TMEFF1: variants seen among roughly 807,000 people sequenced by gnomAD.
TMEFF1 encodes the protein tomoregulin-1.
In TMEFF1, 20 loss-of-function variants were observed where a neutral mutation model predicts 47.5. The ratio of observed to expected loss-of-function variants is 0.42; its 90% CI spans 0.30 to 0.61. TMEFF1 has a LOEUF of 0.61. TMEFF1 is among the 20% of genes least tolerant of loss of function. The pLI, the probability that TMEFF1 is intolerant of heterozygous loss-of-function variation, is 0.19. For missense variants in TMEFF1, 411 were observed against 471.1 expected (o/e 0.87, Z 1.18); for synonymous variants, 162 against 166.3 (o/e 0.97, Z 0.20).
At chr9:100,510,533 G>A (rs1460345960) in intron 3 of TMEFF1, among the ~76,000 whole-genome samples, 1 of 152,158 alleles carries the variant, frequency 6.6e-6, no homozygotes, top group South Asian at 2.1e-4. Flanking sequence ...GCAGTGGCAC[G>A]ATCATGACTC....
At chr9:100,499,529 G>C (rs963962531) in intron 2 of TMEFF1, among the ~76,000 whole-genome samples, 1 of 152,034 alleles carries the variant, frequency 6.6e-6, no homozygotes, top group Non-Finnish European at 1.5e-5. Context: ...GATATGAGGC[G>C]AAAAAGGAAC....
intron 1 of TMEFF1, among the ~76,000 whole-genome samples, chr9:100,492,831 G>T (rs1837580551): frequency 6.6e-6 from 1 of 152,198 alleles, no homozygotes; most frequent in East Asian, 1.9e-4. Flanking sequence ...TAGGAAGAAG[G>T]AGGAAGTGAG....
At chr9:100,497,815 C>CT (rs1041229722) in intron 1 of TMEFF1, among the ~76,000 whole-genome samples, 2 of 152,062 alleles carry the variant, frequency 1.3e-5, no homozygotes, top group Admixed American at 1.3e-4. Context: ...AGTCCTTGCT[C>CT]TTTTCCCAGA....
intron 7 of TMEFF1, among the ~76,000 whole-genome samples, chr9:100,553,574 C>G (rs1838864445): frequency 6.6e-6 from 1 of 152,144 alleles, no homozygotes; most frequent in Non-Finnish European, 1.5e-5. Context: ...TGAATTAGAG[C>G]TTTTCTTGGG....
At chr9:100,564,077 G>A (rs986718023) in intron 8 of TMEFF1, among the ~76,000 whole-genome samples, 13 of 152,002 alleles carry the variant, frequency 8.6e-5, no homozygotes, top group Non-Finnish European at 1.6e-4. Context: ...CTGATTTTTC[G>A]TTTTGTTTTT....
At chr9:100,530,699 C>A (rs1471461106) in intron 5 of TMEFF1, among the ~76,000 whole-genome samples, 9 of 152,128 alleles carry the variant, frequency 5.9e-5, no homozygotes, top group Admixed American at 5.9e-4. Context: ...CTATTCCAAT[C>A]AATAGAAAAA....
At chr9:100,485,568 T>C (rs556684442) in intron 1 of TMEFF1, among the ~76,000 whole-genome samples, 1 of 152,312 alleles carries the variant, frequency 6.6e-6, no homozygotes, top group Admixed American at 6.5e-5. Context: ...TCCTATTTGT[T>C]ATCCTTCATT....
At chr9:100,533,188 T>C (rs1049138073) in intron 5 of TMEFF1, among the ~76,000 whole-genome samples, 2 of 151,854 alleles carry the variant, frequency 1.3e-5, no homozygotes, top group Non-Finnish European at 2.9e-5. Flanking sequence ...TGTATACATA[T>C]GCAACTAACC....
chr9:100,548,139 A>T (rs1221908515), intron 6 of TMEFF1, among the ~76,000 whole-genome samples: 1 of 152,088 alleles, frequency 6.6e-6, no homozygotes. Context: ...GCTGATCCTA[A>T]CATGGAATTA....
At chr9:100,486,318 C>T (rs1214328096) in intron 1 of TMEFF1, among the ~76,000 whole-genome samples, 2 of 152,204 alleles carry the variant, frequency 1.3e-5, no homozygotes, top group East Asian at 3.9e-4. Flanking sequence ...TCTCGGCTTA[C>T]TGCAACCTCT....
At chr9:100,504,744 G>T (rs976834270) in intron 2 of TMEFF1, among the ~76,000 whole-genome samples, 3 of 152,076 alleles carry the variant, frequency 2.0e-5, no homozygotes, top group African/African-American at 7.2e-5. Context: ...AACATTTTTG[G>T]CTTTATAGCC....
chr9:100,545,795 C>T (rs1838721764), intron 5 of TMEFF1, among the ~76,000 whole-genome samples: 1 of 152,196 alleles, frequency 6.6e-6, no homozygotes, highest in African/African-American at 2.4e-5. Flanking sequence ...ATTTCTTTCA[C>T]TGGGTACCCT....
chr9:100,506,303 G>T (rs1837859603), intron 2 of TMEFF1, among the ~76,000 whole-genome samples: 2 of 152,080 alleles, frequency 1.3e-5, no homozygotes, highest in South Asian at 4.1e-4. Context: ...GACAGGTAAT[G>T]TGAAAAATTT....
chr9:100,527,785 G>T (rs1363324598), intron 5 of TMEFF1, among the ~76,000 whole-genome samples: 1 of 152,160 alleles, frequency 6.6e-6, no homozygotes, highest in Non-Finnish European at 1.5e-5. Context: ...ACCTCTGGGG[G>T]CAGGGCACAG....
At chr9:100,575,165 G>A (rs1375837479) in intron 9 of TMEFF1, among the ~76,000 whole-genome samples, 3 of 152,142 alleles carry the variant, frequency 2.0e-5, no homozygotes, top group Admixed American at 2.0e-4. Context: ...CTCCCACACA[G>A]TCCATTATGA....
At chr9:100,518,990 A>G (rs1385302829) in intron 5 of TMEFF1, among the ~76,000 whole-genome samples, 1 of 152,244 alleles carries the variant, frequency 6.6e-6, no homozygotes, top group Non-Finnish European at 1.5e-5. Flanking sequence ...TTAAGATGTT[A>G]CATAATTTCC....
intron 5 of TMEFF1, among the ~76,000 whole-genome samples, chr9:100,518,089 A>T (rs1241354851): frequency 2.0e-5 from 3 of 152,014 alleles, no homozygotes; most frequent in Non-Finnish European, 4.4e-5. Flanking sequence ...ATCATTTTTC[A>T]TGCCTAAATT....
intron 1 of TMEFF1, among the ~76,000 whole-genome samples, chr9:100,483,798 T>TC (rs397961862): frequency 1.3e-5 from 2 of 152,062 alleles, no homozygotes; most frequent in African/African-American, 2.4e-5. Flanking sequence ...GTTTTTTTTT[T>TC]CCCCTGAACT....
At chr9:100,500,553 A>G (rs562191264) in intron 2 of TMEFF1, among the ~76,000 whole-genome samples, 13 of 152,228 alleles carry the variant, frequency 8.5e-5, no homozygotes, top group African/African-American at 3.1e-4. Flanking sequence ...TTTTAATTGT[A>G]GATTTTTTAT....
Sources: allele counts gnomAD v4.1 joint callset (sites outside exome capture counted in the v4.1 genomes callset), GRCh38; gene constraint gnomAD v4.1.1; transcripts MANE v1.5; gene names NCBI Gene and HGNC (gene_info 2026-07-23, HGNC 2026-07-21).